Variants in RAD51B observed in about 807,000 individuals in gnomAD.
RAD51B encodes the protein DNA repair protein RAD51 homolog 2.
Under a neutral mutation model 42.2 loss-of-function variants are expected in RAD51B, and 38 were observed. That is an observed-to-expected ratio of 0.90 (90% CI 0.70 to 1.18). RAD51B has a LOEUF of 1.18. Among genes scored for constraint, RAD51B ranks in the 50% most tolerant of loss-of-function variants. RAD51B has a pLI of 0.00. For missense variants in RAD51B, 373 were observed against 400.7 expected (o/e 0.93, Z 0.59); for synonymous variants, 154 against 145.2 (o/e 1.06, Z -0.43).
chr14:68,450,314 G>A (rs1384889905), intron 9 of RAD51B, among the ~76,000 whole-genome samples: 4 of 145,850 alleles, frequency 2.7e-5, no homozygotes, highest in Admixed American at 2.1e-4. Context: ...CACCTCCCGG[G>A]TTCAAACATT....
At chr14:68,173,974 G>T (rs1048267025) in intron 7 of RAD51B, among the ~76,000 whole-genome samples, 3 of 152,116 alleles carry the variant, frequency 2.0e-5, no homozygotes, top group African/African-American at 7.2e-5. Context: ...TGTAATTATG[G>T]CACTGAGTAG....
rs371930527 is a variant in RAD51B, at chr14:68,590,931, C to T, written c.1037-3554C>T. On this transcript the variant is annotated intron_variant, in intron 10 of 10. Coordinates refer to the RAD51B transcript ENST00000487270. ...CCTTTATAGATGGCCCCATGAAGTT[C>T]TCACTAGGCGACTGCTCCTACCTGA... Among the ~76,000 whole-genome samples the T allele has an allele frequency of 3.3e-5, 5 of 152,292 alleles. No homozygotes were observed. The East Asian group carries it at 7.7e-4, about 24-fold the overall frequency.
intron 8 of RAD51B, among the ~76,000 whole-genome samples, chr14:68,379,925 G>A (rs1462758094): frequency 6.6e-6 from 1 of 152,130 alleles, no homozygotes; most frequent in Non-Finnish European, 1.5e-5. Flanking sequence ...CGGCTGCTGT[G>A]GTATCTATAA....
chr14:68,571,761 A>G (rs975600119), intron 10 of RAD51B, among the ~76,000 whole-genome samples: 1 of 150,722 alleles, frequency 6.6e-6, no homozygotes, highest in African/African-American at 2.4e-5. Context: ...GTTGATTGTT[A>G]GTTGTTCAGT....
In RAD51B at chr14:67,999,576, G is replaced by A. The variant is rs190790292; in HGVS notation, c.756+112372G>A. ...GGCTTTGGTTAAATCCCAACTCCATGACTTACTATTGTATTATGCAACCTC... is the reference window on the plus strand; with the variant it reads ...GGCTTTGGTTAAATCCCAACTCCATAACTTACTATTGTATTATGCAACCTC... On this transcript the variant is annotated intron_variant, in intron 7 of 10. Coordinates refer to ENST00000471583, the MANE Select transcript of RAD51B (RefSeq NM_133510.4). Among the ~76,000 whole-genome samples, 491 of 152,290 alleles carry A rather than the reference G, an allele frequency of 3.2e-3. 3 individuals carry two copies. Among genetic ancestry groups the A allele is most frequent in the Non-Finnish European group, 5.2e-3 (357 of 68,008 alleles).
chr14:67,966,856 A>G (rs1221625273), intron 7 of RAD51B, among the ~76,000 whole-genome samples: 1 of 152,198 alleles, frequency 6.6e-6, no homozygotes, highest in Non-Finnish European at 1.5e-5. Flanking sequence ...AACTTCTTAC[A>G]TACAGTATTA....
At chr14:68,261,779 C>T (rs2080895708) in intron 7 of RAD51B, among the ~76,000 whole-genome samples, 2 of 151,128 alleles carry the variant, frequency 1.3e-5, no homozygotes, top group South Asian at 4.1e-4. Flanking sequence ...AACTGGGACT[C>T]ACATTCACCC....
rs148840390 is a variant in RAD51B, at chr14:68,361,738, C to T, written c.854-49686C>T. 3.7e-3 allele frequency among the ~76,000 whole-genome samples: 564 copies of T among 152,192 alleles called. 3 individuals carry two copies. Among genetic ancestry groups the T allele is most frequent in the Middle Eastern group, 6.8e-3 (2 of 294 alleles). On this transcript the variant is annotated intron_variant, in intron 8 of 10. Transcript: ENST00000471583. ...TCACCCAGGCTGGAGTATGGCGGCA[C>T]GATCTCAGCTCACTGCAACCTCCAT... is the stretch of plus-strand genomic sequence containing the variant.
chr14:68,607,415 C>G (rs1418349201), intron 10 of RAD51B, among the ~76,000 whole-genome samples: 1 of 152,206 alleles, frequency 6.6e-6, no homozygotes, highest in African/African-American at 2.4e-5. Flanking sequence ...TCTCCTTTCA[C>G]AAGGCCACAG....
intron 10 of RAD51B, among the ~76,000 whole-genome samples, chr14:68,557,597 A>G (rs1215770274): frequency 6.6e-6 from 1 of 152,212 alleles, no homozygotes; most frequent in Non-Finnish European, 1.5e-5. Flanking sequence ...TTGCTGACTG[A>G]GTAGATTTCC....
chr14:68,005,641 C>T (rs1300055136), intron 7 of RAD51B, among the ~76,000 whole-genome samples: 1 of 152,122 alleles, frequency 6.6e-6, no homozygotes, highest in Non-Finnish European at 1.5e-5. Flanking sequence ...TATTGAATAA[C>T]ATGTAGTATG....
chr14:68,659,002 T>G (rs1228350079), intron 11 of RAD51B, among the ~76,000 whole-genome samples: 3 of 151,980 alleles, frequency 2.0e-5, no homozygotes, highest in Non-Finnish European at 4.4e-5. Context: ...GAGGAAAGGC[T>G]GGCGGGATGG....
At chr14:68,419,181 G>A (rs2084636064) in intron 9 of RAD51B, among the ~76,000 whole-genome samples, 1 of 152,096 alleles carries the variant, frequency 6.6e-6, no homozygotes, top group Non-Finnish European at 1.5e-5. Context: ...TACAGATGGC[G>A]GTAAGCAATT....
chr14:68,161,042 G>A (rs1348115209), intron 7 of RAD51B, among the ~76,000 whole-genome samples: 1 of 152,094 alleles, frequency 6.6e-6, no homozygotes, highest in African/African-American at 2.4e-5. Context: ...CGTTGTGTTT[G>A]TTTTGATTTC....
chr14:68,460,206 C>A (rs548095597), intron 9 of RAD51B, among the ~76,000 whole-genome samples: 1 of 152,284 alleles, frequency 6.6e-6, no homozygotes, highest in East Asian at 1.9e-4. Flanking sequence ...AATCCCAGCA[C>A]TTTGGGAGGC....
At chr14:68,659,712 C>A in intron 11 of RAD51B, among the ~76,000 whole-genome samples, 1 of 152,208 alleles carries the variant, frequency 6.6e-6, no homozygotes, top group East Asian at 1.9e-4. Context: ...CTCCCTCTGC[C>A]TGGGAAGCGA....
At chr14:67,979,999 C>G (rs1310585142) in intron 7 of RAD51B, among the ~76,000 whole-genome samples, 2 of 152,042 alleles carry the variant, frequency 1.3e-5, no homozygotes, top group Non-Finnish European at 2.9e-5. Flanking sequence ...TGTACTTCAT[C>G]TTTTTAAAAG....
chr14:68,149,343 A>G (rs899728900), intron 7 of RAD51B, among the ~76,000 whole-genome samples: 10 of 152,154 alleles, frequency 6.6e-5, no homozygotes, highest in Admixed American at 4.6e-4. Context: ...TTGTATATTT[A>G]CTTCTATGAT....
At chr14:68,490,341 T>C (rs369574584) in intron 10 of RAD51B, among the ~76,000 whole-genome samples, 161 of 152,338 alleles carry the variant, frequency 1.1e-3, no homozygotes, top group African/African-American at 3.6e-3. Flanking sequence ...GTCTCTGCCA[T>C]GAAGAACTCA....
Sources: allele counts gnomAD v4.1 joint callset (sites outside exome capture counted in the v4.1 genomes callset), GRCh38; gene constraint gnomAD v4.1.1; transcripts MANE v1.5; gene names NCBI Gene and HGNC (gene_info 2026-07-23, HGNC 2026-07-21).